Variants in NXPE2 observed in about 807,000 individuals in gnomAD.
NXPE2 encodes NXPE family member 2.
Under a neutral mutation model 34.4 loss-of-function variants are expected in NXPE2, and 34 were observed. That is an observed-to-expected ratio of 0.99 (90% CI 0.75 to 1.31). The LOEUF (loss-of-function observed/expected upper bound fraction) is 1.31, where lower values mean the gene tolerates loss of function less well. Among genes scored for constraint, NXPE2 ranks in the 40% most tolerant of loss-of-function variants. The probability of loss-of-function intolerance (pLI) is 0.00; values close to 1 mark genes in which losing one functional copy is unlikely to be tolerated. For missense variants in NXPE2, 649 were observed against 672.5 expected (o/e 0.97, Z 0.39); for synonymous variants, 235 against 231.3 (o/e 1.02, Z -0.15).
chr11:114,793,111 C>T, the NXPE2 span, among the ~76,000 whole-genome samples: 477 of 152,280 alleles, frequency 3.1e-3, 1 homozygote, highest in African/African-American at 0.011. Flanking sequence ...AACAGGTCCA[C>T]ATCCATCCAT....
chr11:114,679,487 T>C (rs1950911372), intron 1 of NXPE2, among the ~76,000 whole-genome samples, 170 bp from the exon 2 acceptor site: 1 of 152,032 alleles, frequency 6.6e-6, no homozygotes, highest in Non-Finnish European at 1.5e-5. Context: ...GTTCCCTGCC[T>C]CAGGGAAACA....
chr11:114,571,598 G>A, the NXPE2 span: 3 of 908,120 alleles, frequency 3.3e-6, no homozygotes, highest in Admixed American at 2.5e-5. Context: ...TTTATTATAG[G>A]TTTAGATGAG....
chr11:114,803,734 G>A, the NXPE2 span, among the ~76,000 whole-genome samples: 6 of 152,092 alleles, frequency 3.9e-5, no homozygotes, highest in South Asian at 4.2e-4. Flanking sequence ...GTGCCACCAC[G>A]CCTGACTCAT....
upstream of NXPE2, among the ~76,000 whole-genome samples, chr11:114,674,703 C>T (rs1037072619): frequency 3.3e-5 from 5 of 151,698 alleles, no homozygotes; most frequent in Non-Finnish European, 3.0e-5. Flanking sequence ...GATGGCTTCT[C>T]TCATGAATTC....
chr11:114,783,433 T>C, the NXPE2 span, among the ~76,000 whole-genome samples: 1 of 152,068 alleles, frequency 6.6e-6, no homozygotes, highest in East Asian at 1.9e-4. Flanking sequence ...AAAAGCCAGA[T>C]CACCCCAGAG....
At chr11:114,498,466 C>A in the NXPE2 span, among the ~76,000 whole-genome samples, 2 of 151,904 alleles carry the variant, frequency 1.3e-5, no homozygotes, top group Non-Finnish European at 2.9e-5. Flanking sequence ...TAATAAAAAA[C>A]CATCAATTAA....
the NXPE2 span, among the ~76,000 whole-genome samples, chr11:114,721,797 T>A: frequency 1.3e-5 from 2 of 152,168 alleles, no homozygotes; most frequent in East Asian, 3.8e-4. Context: ...ATCATAACAA[T>A]GGCCAGTGGC....
chr11:114,636,262 T>C, the NXPE2 span, among the ~76,000 whole-genome samples: 2 of 152,060 alleles, frequency 1.3e-5, no homozygotes, highest in African/African-American at 4.8e-5. Flanking sequence ...GAGGTGTTTG[T>C]AGTATTCTCT....
At chr11:114,797,160 CT>C in the NXPE2 span, among the ~76,000 whole-genome samples, 1 of 152,168 alleles carries the variant, frequency 6.6e-6, no homozygotes, top group African/African-American at 2.4e-5. Flanking sequence ...TGTGACTGAT[CT>C]CCCTCCTCAC....
the NXPE2 span, among the ~76,000 whole-genome samples, chr11:114,725,693 T>G: frequency 1.7e-3 from 254 of 152,082 alleles, 2 homozygotes; most frequent in African/African-American, 5.9e-3. Context: ...CTCATCAGCA[T>G]CCCTAATCTC....
intron 2 of NXPE2, among the ~76,000 whole-genome samples, chr11:114,693,758 C>T (rs76217993): frequency 2.0e-5 from 3 of 152,236 alleles, no homozygotes; most frequent in African/African-American, 4.8e-5. Context: ...CCACAACTTG[C>T]AAGAGAATAG....
At chr11:114,523,048 A>G in the NXPE2 span, 1 of 1,613,778 alleles carries the variant, frequency 6.2e-7, no homozygotes, top group Admixed American at 1.7e-5. Flanking sequence ...CAGGGACAGG[A>G]GGCTTCATTC....
At chr11:114,527,935 G>A in the NXPE2 span, 3 of 1,522,938 alleles carry the variant, frequency 2.0e-6, no homozygotes, top group Non-Finnish European at 2.7e-6. Flanking sequence ...AAATTAGCCT[G>A]CTCTCTGCCC....
the NXPE2 span, among the ~76,000 whole-genome samples, chr11:114,586,859 A>G: frequency 6.6e-6 from 1 of 152,146 alleles, no homozygotes; most frequent in Non-Finnish European, 1.5e-5. Flanking sequence ...CGGTGAAGTA[A>G]TCCTCTTAGG....
chr11:114,773,288 C>CCCCCCCCCCCCCCCCCG, the NXPE2 span, among the ~76,000 whole-genome samples: 19 of 95,862 alleles, frequency 2.0e-4, no homozygotes, highest in South Asian at 5.0e-4. Context: ...CACCCCCCCC[C>CCCCCCCCCCCCCCCCCG]CACCCCATTC....
the NXPE2 span, among the ~76,000 whole-genome samples, chr11:114,531,169 A>G: frequency 6.6e-6 from 1 of 152,168 alleles, no homozygotes; most frequent in South Asian, 2.1e-4. Flanking sequence ...TATAAAATGT[A>G]AACATTTATG....
At chr11:114,708,636 A>AAAAAAGAAAAGAAAAGAAAAGAAAAG (rs1555080863), downstream of NXPE2, among the ~76,000 whole-genome samples, 2 of 148,412 alleles carry the variant, frequency 1.3e-5, no homozygotes, top group African/African-American at 2.5e-5. Context: ...TCTCAAAAAA[A>AAAAAAGAAAAGAAAAGAAAAGAAAAG]AAAAGAAAAG....
the NXPE2 span, among the ~76,000 whole-genome samples, chr11:114,602,104 TAA>T: frequency 1.0e-5 from 1 of 96,870 alleles, no homozygotes; most frequent in Admixed American, 1.8e-4. Context: ...ACATATATTA[TAA>T]TATATATAAT....
intron 4 of NXPE2, among the ~76,000 whole-genome samples, chr11:114,704,694 C>T (rs1778858065): frequency 1.3e-5 from 2 of 152,100 alleles, no homozygotes; most frequent in Admixed American, 1.3e-4. Flanking sequence ...TTACTGAGGT[C>T]CTACTGTACA....
Sources: allele counts gnomAD v4.1 joint callset (sites outside exome capture counted in the v4.1 genomes callset), GRCh38; gene constraint gnomAD v4.1.1; transcripts MANE v1.5; gene names NCBI Gene and HGNC (gene_info 2026-07-23, HGNC 2026-07-21).